The following UQCRFS1 variants were observed in gnomAD, a reference collection of about 807,000 sequenced individuals.
UQCRFS1 encodes ubiquinol-cytochrome c reductase, Rieske iron-sulfur polypeptide 1, also known as cytochrome b-c1 complex subunit Rieske, mitochondrial.
Under a neutral mutation model 15.6 loss-of-function variants are expected in UQCRFS1, and 6 were observed. The observed-to-expected ratio is 0.38, with a 90% confidence interval of 0.21 to 0.76. The LOEUF (loss-of-function observed/expected upper bound fraction) is 0.76. Ranked by LOEUF, UQCRFS1 falls within the 30% of genes least tolerant of loss-of-function variation. The pLI is 0.44. For missense variants in UQCRFS1, 203 were observed against 366.7 expected, an observed-to-expected ratio of 0.55 and a Z score of 3.65; for synonymous variants, 105 against 154.3, an observed-to-expected ratio of 0.68 and a Z score of 2.37.
rs1405177191 is a variant in UQCRFS1, at chr19:29,206,551, G to C, written c.*997C>G. ...CCAGGGGAAAATGGACCTTAGTCTT[G>C]TTTCACCTGTGTAATTGGAGGCAGA... On this transcript the variant is annotated 3_prime_UTR_variant, in exon 2 of 2. Transcript: ENST00000304863. The C allele has an allele frequency of 1.3e-5, 2 of 152,230 alleles. No individual in the cohort carries two copies. The highest frequency in any genetic ancestry group is 2.9e-5 in the Non-Finnish European group (2 of 68,038). 9.4% of individuals were successfully genotyped at this position (152,230 alleles called of 1,614,324 possible). A position where few individuals can be genotyped will look rare whatever the true frequency, so the allele number is the denominator to read the frequency against.
chr19:29,209,279 G>A (rs1377318608), intron 1 of UQCRFS1, among the ~76,000 whole-genome samples: 4 of 152,034 alleles, frequency 2.6e-5, no homozygotes, highest in Non-Finnish European at 5.9e-5. Flanking sequence ...TTTAAAAAAG[G>A]GGACACTAAA....
chr19:29,208,800 T>C (rs894800625), intron 1 of UQCRFS1, among the ~76,000 whole-genome samples: 1 of 152,332 alleles, frequency 6.6e-6, no homozygotes. Context: ...AGTATTACTT[T>C]AACTTAAAAC....
rs1316471601 is a variant in UQCRFS1 at position 29,207,858 on chromosome 19, T to C, written c.515A>G (p.Lys172Arg). Residue 172 changes from lysine to arginine, a missense_variant, in exon 2 of 2, where the codon AAA becomes AGA. Lys to Arg is a conservative substitution (Grantham distance 26). Coordinates refer to ENST00000304863, the MANE Select transcript of UQCRFS1 (RefSeq NM_006003.3). ...GKNMAFKWRGKPLFVRHRTQK... is the reference protein window; with the variant it reads ...GKNMAFKWRGRPLFVRHRTQK... Reference sequence around the variant, plus strand: ...GGTTCTATGACGCACAAACAGGGGTTTGCCTCTCCATTTGAAAGCCATGTT... The same window carrying C: ...GGTTCTATGACGCACAAACAGGGGTCTGCCTCTCCATTTGAAAGCCATGTT... The C allele has an allele frequency of 2.5e-6, 4 of 1,613,916 alleles. No homozygotes were observed. In the East Asian group the frequency reaches 6.7e-5, roughly 27 times the overall value.
At chr19:29,210,079 A>G (rs905009539) in intron 1 of UQCRFS1, among the ~76,000 whole-genome samples, 2 of 152,248 alleles carry the variant, frequency 1.3e-5, no homozygotes, top group Admixed American at 6.5e-5. Context: ...CTTAAAGGAG[A>G]AAATTTAAGG....
chr19:29,209,795 A>G (rs1201765166), intron 1 of UQCRFS1, among the ~76,000 whole-genome samples: 1 of 152,232 alleles, frequency 6.6e-6, no homozygotes, highest in Non-Finnish European at 1.5e-5. Flanking sequence ...TCTACATTAA[A>G]AACAGTATCC....
Position 29,212,993 on chromosome 19 carries a change from C to A in UQCRFS1, c.126G>T (p.Val42=), listed in dbSNP as rs1976676642. The change falls in exon 1 of 2, where the codon GTG becomes GTT. Residue 42 remains valine (V), a synonymous_variant. Transcript: ENST00000304863. ...TGAGGAAGGGCCGCTTCAGGTCCAA[C>A]ACAGGCTGCTCCGGGGTGGCGGGCA... ...ATVPATPEQP[V]LDLKRPFLSR... 7.1e-7 allele frequency: 1 copy of A among 1,410,426 alleles called. No individual in the cohort carries two copies. The highest frequency in any genetic ancestry group is 9.1e-7 in the Non-Finnish European group (1 of 1,096,232). 87.4% of individuals were successfully genotyped at this position (1,410,426 alleles called of 1,614,324 possible). A position where few individuals can be genotyped will look rare whatever the true frequency, so the allele number is the denominator to read the frequency against.
intron 1 of UQCRFS1, 30 bp downstream of exon 1, chr19:29,212,875 G>T: frequency 7.0e-7 from 1 of 1,421,126 alleles, no homozygotes; most frequent in Non-Finnish European, 9.1e-7. Context: ...GAGACCCCCA[G>T]CCCTGCTCGC....
Position 29,213,136 on chromosome 19 carries a change from C to A in UQCRFS1, c.-18G>T. 6.6e-7 allele frequency: 1 copy of A among 1,520,490 alleles called. No individual in the cohort carries two copies. Among genetic ancestry groups the A allele is most frequent in the Non-Finnish European group, 8.8e-7 (1 of 1,140,148 alleles). The allele number at this position is 1,520,490 out of a possible 1,614,324, so 94.2% of individuals were successfully genotyped here. A position where few individuals can be genotyped will look rare whatever the true frequency, so the allele number is the denominator to read the frequency against. ...GACAACATGGCGACAGCCGCTCCAA[C>A]CGCCAAGCCGGTCACAGGGACGACC... On this transcript the variant is annotated 5_prime_UTR_variant, in exon 1 of 2. Transcript: ENST00000304863.
chr19:29,206,109 G>A lies in UQCRFS1; in HGVS notation c.*1439C>T, dbSNP rs1976591936. The A allele has an allele frequency of 6.6e-6, 1 of 152,090 alleles. No individual in the cohort carries two copies. The highest frequency in any genetic ancestry group is 1.5e-5 in the Non-Finnish European group (1 of 68,034). The allele number at this position is 152,090 out of a possible 1,614,324, so 9.4% of individuals were successfully genotyped here. A position where few individuals can be genotyped will look rare whatever the true frequency, so the allele number is the denominator to read the frequency against. ...ACCTGTGTTCCCCTCACAACTCAAT[G>A]TTTCACATTCCAACTCTGCCACCAA... On this transcript the variant is annotated 3_prime_UTR_variant, in exon 2 of 2. Transcript: ENST00000304863.
intron 1 of UQCRFS1, 145 bp downstream of exon 1, chr19:29,212,760 G>C (rs1976672019): frequency 3.5e-6 from 3 of 858,788 alleles, no homozygotes; most frequent in Non-Finnish European, 4.7e-6. Flanking sequence ...CCCGAGCCCG[G>C]GGGCCAGGCC....
At chr19:29,210,409 G>A (rs1357809833) in intron 1 of UQCRFS1, among the ~76,000 whole-genome samples, 1 of 151,534 alleles carries the variant, frequency 6.6e-6, no homozygotes, top group Non-Finnish European at 1.5e-5. Context: ...TGTGCACAAT[G>A]TGCAGGTTAG....
chr19:29,210,593 G>A (rs1025186704), intron 1 of UQCRFS1, among the ~76,000 whole-genome samples: 1 of 144,404 alleles, frequency 6.9e-6, no homozygotes, highest in Non-Finnish European at 1.5e-5. Flanking sequence ...TCCCACCTAT[G>A]AGTGAGAACA....
chr19:29,207,569 G>T lies in UQCRFS1; in HGVS notation c.804C>A (p.Asp268Glu). 2 of 1,610,762 alleles carry T rather than the reference G, an allele frequency of 1.2e-6. No homozygotes were observed. The highest frequency in any genetic ancestry group is 1.7e-6 in the Non-Finnish European group (2 of 1,177,474). ...LEVPTYEFTS[D>E]DMVIVG ...TCTCTTAACCAACAATCACCATATC[G>T]TCACTGGTGAACTCATACGTGGGGA... The change falls in exon 2 of 2, where the codon GAC (aspartate) becomes GAA (glutamate). Residue 268 changes from aspartate to glutamate, a missense_variant. Transcript: ENST00000304863.
At chr19:29,211,113 T>G (rs887250003) in intron 1 of UQCRFS1, among the ~76,000 whole-genome samples, 1 of 151,998 alleles carries the variant, frequency 6.6e-6, no homozygotes, top group Non-Finnish European at 1.5e-5. Context: ...TGGGAGAAAA[T>G]TTTTGCAACC....
intron 1 of UQCRFS1, among the ~76,000 whole-genome samples, chr19:29,212,013 T>C (rs376003160): frequency 6.6e-6 from 1 of 152,348 alleles, no homozygotes; most frequent in East Asian, 1.9e-4. Context: ...GCTTCCAGCA[T>C]TTTAAGAGAT....
intron 1 of UQCRFS1, among the ~76,000 whole-genome samples, chr19:29,212,025 C>T (rs1476853525): frequency 6.6e-6 from 1 of 152,198 alleles, no homozygotes. Flanking sequence ...TTAAGAGATG[C>T]CATTAGTCTT....
chr19:29,210,001 T>C (rs1976627916), intron 1 of UQCRFS1, among the ~76,000 whole-genome samples: 1 of 152,296 alleles, frequency 6.6e-6, no homozygotes, highest in Non-Finnish European at 1.5e-5. Context: ...AATATTTACA[T>C]GAGCTGCATT....
chr19:29,208,447 C>T (rs954103563), intron 1 of UQCRFS1, among the ~76,000 whole-genome samples: 1 of 152,218 alleles, frequency 6.6e-6, no homozygotes, highest in African/African-American at 2.4e-5. Flanking sequence ...TCAGGATTCA[C>T]AACACCTCAG....
In UQCRFS1 at chr19:29,213,059, G is replaced by A; in HGVS notation, c.60C>T (p.Arg20=). 1 of 1,456,248 alleles carries A rather than the reference G, an allele frequency of 6.9e-7. No individual in the cohort carries two copies. The highest frequency in any genetic ancestry group is 9.0e-7 in the Non-Finnish European group (1 of 1,117,046). The allele number at this position is 1,456,248 out of a possible 1,614,324, so 90.2% of individuals were successfully genotyped here. The change falls in exon 1 of 2, where the codon CGC becomes CGT. Residue 20 remains arginine (R), a synonymous_variant. Transcript: ENST00000304863. ...PFAPVLSATS[R]GVAGALRPLV... ...AGGGCCGCAGCGCGCCCGCCACCCC[G>A]CGGGACGTGGCCGACAGGACGGGCG...
Sources: gnomAD v4.1 joint callset for allele counts (sites outside exome capture counted in the v4.1 genomes callset) on GRCh38, gnomAD v4.1.1 for gene constraint, MANE v1.5 for transcripts, NCBI Gene and HGNC (gene_info 2026-07-23, HGNC 2026-07-21) for gene names.